The following CCR5AS variants were observed in gnomAD, a reference collection of about 807,000 sequenced individuals.
CCR5AS encodes the protein CCR5 antisense RNA.
At chr3:46,367,457 T>C (rs948833524) in intron 3 of CCR5AS, among the ~76,000 whole-genome samples, 1 of 152,088 alleles carries the variant, frequency 6.6e-6, no homozygotes, top group South Asian at 2.1e-4. Flanking sequence ...GATTGAAACA[T>C]CATGTTTTAA....
At chr3:46,383,529 G>A (rs574344207) in intron 2 of CCR5AS, among the ~76,000 whole-genome samples, 2 of 152,274 alleles carry the variant, frequency 1.3e-5, no homozygotes, top group South Asian at 2.1e-4. Context: ...CATACCACGC[G>A]CCTCAGTCTA....
At chr3:46,400,752 G>A (rs918468616) in intron 1 of CCR5AS, among the ~76,000 whole-genome samples, 6 of 152,214 alleles carry the variant, frequency 3.9e-5, no homozygotes, top group Non-Finnish European at 5.9e-5. Context: ...TTATCCATGT[G>A]CACAAGTCTT....
rs375916464 is a variant in CCR5AS, at chr3:46,373,933, G to C, written n.392-2516C>G. The C allele has an allele frequency of 3.8e-6, 6 of 1,580,002 alleles. No homozygotes were observed. The South Asian group carries it at 5.8e-5, about 15-fold the overall frequency. On this transcript the variant is annotated intron_variant and non_coding_transcript_variant, in intron 2 of 3. Transcript: ENST00000451485. ...AGCTCAGTTTACACCCGATCCACTG[G>C]GGAGCAGGAAATATCTGTGGGCTTG...
chr3:46,382,861 G>C (rs914750398), intron 2 of CCR5AS, among the ~76,000 whole-genome samples: 1 of 152,168 alleles, frequency 6.6e-6, no homozygotes, highest in Admixed American at 6.5e-5. Context: ...TATGCAAGTT[G>C]CTTACTGTTT....
chr3:46,402,891 C>T (rs1267372264), intron 1 of CCR5AS, among the ~76,000 whole-genome samples: 2 of 152,196 alleles, frequency 1.3e-5, no homozygotes, highest in African/African-American at 4.8e-5. Context: ...TCCCTCCTCC[C>T]GCCCTCCAGT....
intron 2 of CCR5AS, among the ~76,000 whole-genome samples, chr3:46,376,950 G>A (rs1701767347): frequency 6.6e-6 from 1 of 152,180 alleles, no homozygotes; most frequent in South Asian, 2.1e-4. Context: ...TAGAAGGGCA[G>A]CTTGTCCCTA....
rs138429982 is a variant in CCR5AS at position 46,397,851 on chromosome 3, A to G, written n.164-4799T>C. Reference sequence around the variant, plus strand: ...GATGAATAAAGGAACCACATTTTACAACAAACGGTCATTGAAACGCTACTC... The same window carrying G: ...GATGAATAAAGGAACCACATTTTACGACAAACGGTCATTGAAACGCTACTC... On this transcript the variant is annotated intron_variant and non_coding_transcript_variant, in intron 1 of 3. Transcript: ENST00000451485. 6.4e-3 allele frequency among the ~76,000 whole-genome samples: 970 copies of G among 152,338 alleles called. 7 individuals carry two copies. The highest frequency in any genetic ancestry group is 0.037 in the Middle Eastern group (11 of 294).
At chr3:46,383,701 A>G (rs1279555110) in intron 2 of CCR5AS, among the ~76,000 whole-genome samples, 1 of 152,124 alleles carries the variant, frequency 6.6e-6, no homozygotes, top group Non-Finnish European at 1.5e-5. Context: ...AACTGGGCAG[A>G]GCTTCTGTCC....
intron 1 of CCR5AS, among the ~76,000 whole-genome samples, chr3:46,401,329 C>T: frequency 6.6e-6 from 1 of 152,146 alleles, no homozygotes; most frequent in East Asian, 1.9e-4. Flanking sequence ...TGATGCCCTT[C>T]CTTCCAAGAC....
intron 1 of CCR5AS, among the ~76,000 whole-genome samples, chr3:46,403,585 C>G (rs930555202): frequency 3.3e-5 from 5 of 152,206 alleles, no homozygotes; most frequent in African/African-American, 1.2e-4. Flanking sequence ...AAATGCCCTC[C>G]CTCCCCAGCT....
intron 1 of CCR5AS, among the ~76,000 whole-genome samples, chr3:46,404,708 C>T (rs1485580666): frequency 6.6e-6 from 1 of 152,138 alleles, no homozygotes; most frequent in Non-Finnish European, 1.5e-5. Context: ...CTCTTGCTGT[C>T]CTTCCCTGCT....
intron 1 of CCR5AS, among the ~76,000 whole-genome samples, chr3:46,395,129 A>G (rs1701948443): frequency 6.6e-6 from 1 of 152,002 alleles, no homozygotes; most frequent in African/African-American, 2.4e-5. Context: ...TCAAGGGAGG[A>G]CTTGGATTAT....
rs765993128 is a variant in CCR5AS at position 46,373,231 on chromosome 3, T to C, written n.392-1814A>G. On this transcript the variant is annotated intron_variant and non_coding_transcript_variant, in intron 2 of 3. Transcript: ENST00000451485. ...CAACTCTTGACAGGGCTCTATTTTATAGGCTTCTTCTCTGGAATCTTCTTC... is the reference window on the plus strand; with the variant it reads ...CAACTCTTGACAGGGCTCTATTTTACAGGCTTCTTCTCTGGAATCTTCTTC... 5 of 1,614,208 alleles carry C rather than the reference T, an allele frequency of 3.1e-6. No individual in the cohort carries two copies. Among genetic ancestry groups the C allele is most frequent in the East Asian group, 2.2e-5 (1 of 44,886 alleles).
intron 2 of CCR5AS, chr3:46,371,546 G>T (rs1018859113): frequency 6.6e-6 from 1 of 152,242 alleles, no homozygotes; most frequent in African/African-American, 2.4e-5. Flanking sequence ...TTTTCTAGGG[G>T]CTTCTCTCAG....
At chr3:46,377,031 G>A (rs1701768251) in intron 2 of CCR5AS, among the ~76,000 whole-genome samples, 1 of 152,172 alleles carries the variant, frequency 6.6e-6, no homozygotes, top group Admixed American at 6.5e-5. Context: ...GGCAGGAGGG[G>A]GCTGGGGTTA....
chr3:46,377,298 T>C (rs569964028), intron 2 of CCR5AS, among the ~76,000 whole-genome samples: 3 of 152,300 alleles, frequency 2.0e-5, no homozygotes, highest in Middle Eastern at 3.4e-3. Context: ...GAGTTTCAAC[T>C]CACGACCTTC....
At chr3:46,384,495 A>G (rs549091079) in intron 2 of CCR5AS, among the ~76,000 whole-genome samples, 10 of 152,350 alleles carry the variant, frequency 6.6e-5, no homozygotes, top group African/African-American at 2.4e-4. Flanking sequence ...GCTCTTTGCT[A>G]GAAAAGAAAT....
intron 1 of CCR5AS, among the ~76,000 whole-genome samples, chr3:46,406,084 C>G (rs1337187928): frequency 6.6e-6 from 1 of 152,124 alleles, no homozygotes; most frequent in Non-Finnish European, 1.5e-5. Flanking sequence ...CTATGTTGCC[C>G]AGGCTGGCCT....
At chr3:46,404,327 C>CTTT (rs10567130) in intron 1 of CCR5AS, among the ~76,000 whole-genome samples, 3 of 75,910 alleles carry the variant, frequency 4.0e-5, no homozygotes, top group African/African-American at 6.9e-5. Context: ...CTCTCTCTCT[C>CTTT]TTTTTTTTTT....
Sources: gnomAD v4.1 joint callset for allele counts (sites outside exome capture counted in the v4.1 genomes callset) on GRCh38, gnomAD v4.1.1 for gene constraint, MANE v1.5 for transcripts, NCBI Gene and HGNC (gene_info 2026-07-23, HGNC 2026-07-21) for gene names.